The following ATP8B2 variants were observed in gnomAD, a reference collection of about 807,000 sequenced individuals.
ATP8B2 encodes phospholipid-transporting ATPase ID.
In ATP8B2, 70 loss-of-function variants were observed where a neutral mutation model predicts 133.4. That is an observed-to-expected ratio of 0.52 (90% CI 0.43 to 0.64). ATP8B2 has a LOEUF of 0.64. Ranked by LOEUF, ATP8B2 falls within the 30% of genes least tolerant of loss-of-function variation. The pLI is 0.00. For missense variants in ATP8B2, 1,101 were observed against 1,535.7 expected, an observed-to-expected ratio of 0.72 and a Z score of 4.73; for synonymous variants, 517 against 589.5, an observed-to-expected ratio of 0.88 and a Z score of 1.78.
chr1:154,326,596 C>T (rs1685800054), intron 1 of ATP8B2, among the ~76,000 whole-genome samples: 1 of 152,146 alleles, frequency 6.6e-6, no homozygotes, highest in Admixed American at 6.5e-5. Flanking sequence ...AATGATGGCC[C>T]CCCCAGAGGG....
chr1:154,347,794 G>A (rs531880419), intron 26 of ATP8B2, among the ~76,000 whole-genome samples: 140 of 152,146 alleles, frequency 9.2e-4, no homozygotes, highest in African/African-American at 3.3e-3. Flanking sequence ...TACAAAATTA[G>A]CCGGACTTGG....
In ATP8B2 at chr1:154,344,106, G is replaced by A. The variant is rs1016342743; in HGVS notation, c.1924-37G>A. On this transcript the variant is annotated intron_variant, in intron 18 of 27. Coordinates refer to ENST00000368489, the MANE Select transcript of ATP8B2 (RefSeq NM_001370597.1). The surrounding 1 kb of genome is among the most constrained non-coding windows in gnomAD (Gnocchi z 4.1). ...GGATGGGCACGGAGGGCTCATGCCT[G>A]CAATTCTTGTGCCAGGAATCCTTGT... The A allele has an allele frequency of 1.2e-6, 2 of 1,614,106 alleles. No homozygotes were observed. The highest frequency in any genetic ancestry group is 2.7e-5 in the African/African-American group (2 of 74,934).
rs1485201809 is a variant in ATP8B2, at chr1:154,340,881, C to T, written c.1062C>T (p.Ser354=). ...TGGAGGTCATCCGTCTGGGCCACAGCTACTTCATCAACTGGGATAAGAAGA... is the reference window on the plus strand; with the variant it reads ...TGGAGGTCATCCGTCTGGGCCACAGTTACTTCATCAACTGGGATAAGAAGA... ...VSVEVIRLGH[S]YFINWDKKMF... The change falls in exon 13 of 28, where the codon AGC becomes AGT. Residue 354 remains serine (S), a synonymous_variant. Coordinates refer to ENST00000368489, the MANE Select transcript of ATP8B2 (RefSeq NM_001370597.1). This position sits in a 1 kb window ranked among gnomAD's most constrained non-coding sequence, Gnocchi z 4.0. 4.3e-6 allele frequency: 7 copies of T among 1,614,204 alleles called. No individual in the cohort carries two copies. The South Asian group carries it at 5.5e-5, about 13-fold the overall frequency.
rs142408071 is a variant in ATP8B2 at position 154,334,153 on chromosome 1, C to T, written c.636C>T (p.Ser212=). Residue 212 remains serine, a synonymous_variant, in exon 10 of 28, where the codon AGC becomes AGT. Transcript: ENST00000368489. The surrounding 1 kb of genome is among the most constrained non-coding windows in gnomAD (Gnocchi z 4.6). The part of the protein sequence containing the change: ...EPPNNKLDKF[S]GTLYWKENKF... Reference sequence around the variant, plus strand: ...CCAACAACAAACTGGACAAATTCAGCGGAACCCTCTACTGGAAGGAAAATA... The same window carrying T: ...CCAACAACAAACTGGACAAATTCAGTGGAACCCTCTACTGGAAGGAAAATA... 29 of 1,614,186 alleles carry T rather than the reference C, an allele frequency of 1.8e-5. No homozygotes were observed. Among genetic ancestry groups the T allele is most frequent in the South Asian group, 5.5e-5 (5 of 91,090 alleles).
At position 154,334,700 on chromosome 1, in the gene ATP8B2, A is replaced by G. The variant is rs1200231753; in HGVS notation, c.837+109A>G. 2.6e-5 allele frequency: 22 copies of G among 849,466 alleles called. No individual in the cohort carries two copies. Among genetic ancestry groups the G allele is most frequent in the Non-Finnish European group, 3.5e-5 (19 of 540,280 alleles). The allele number at this position is 849,466 out of a possible 1,614,324, so 52.6% of individuals were successfully genotyped here. A position where few individuals can be genotyped will look rare whatever the true frequency, so the allele number is the denominator to read the frequency against. On this transcript the variant is annotated intron_variant, in intron 11 of 27. Coordinates refer to ENST00000368489, the MANE Select transcript of ATP8B2 (RefSeq NM_001370597.1). The surrounding 1 kb of genome is among the most constrained non-coding windows in gnomAD (Gnocchi z 4.6). Reference sequence around the variant, plus strand: ...CAGTAGACTTCAGGTTTGGCTTTAAAGCTGCTAGCAGGTCAGCTACACAAA... The same window carrying G: ...CAGTAGACTTCAGGTTTGGCTTTAAGGCTGCTAGCAGGTCAGCTACACAAA...
In ATP8B2 at chr1:154,348,507, G is replaced by A; in HGVS notation, c.3263G>A (p.Arg1088Lys). The A allele has an allele frequency of 6.2e-7, 1 of 1,614,152 alleles. No homozygotes were observed. The highest frequency in any genetic ancestry group is 1.1e-5 in the South Asian group (1 of 91,090). ...IMPVVAFRFLRLNLKPDLSDT... is the reference protein window; with the variant it reads ...IMPVVAFRFLKLNLKPDLSDT... ...CCCGTGGTTGCCTTCCGATTCCTCA[G>A]GCTCAACCTGAAGCCGGATCTCTCC... The change falls in exon 27 of 28, where the codon AGG (arginine) becomes AAG (lysine). Residue 1088 changes from arginine to lysine, a missense_variant. Coordinates refer to ENST00000368489, the MANE Select transcript of ATP8B2 (RefSeq NM_001370597.1).
intron 14 of ATP8B2, 108 bp from the exon 15 acceptor site, chr1:154,342,688 C>G: frequency 2.0e-6 from 3 of 1,476,112 alleles, no homozygotes; most frequent in Non-Finnish European, 2.8e-6. Context: ...ATTTTGAGGT[C>G]CACCGTGGAC....
Position 154,348,470 on chromosome 1 carries a change from G to C in ATP8B2, c.3226G>C (p.Val1076Leu). 6.2e-7 allele frequency: 1 copy of C among 1,614,086 alleles called. No homozygotes were observed. Among genetic ancestry groups the C allele is most frequent in the Middle Eastern group, 1.6e-4 (1 of 6,062 alleles). Residue 1076 changes from valine to leucine, a missense_variant, in exon 27 of 28, where the codon GTC (valine) becomes CTC (leucine). Val to Leu is a conservative substitution (Grantham distance 32, BLOSUM62 1). Transcript: ENST00000368489. ...GCTGACCATTGTGCTCACCACAGTC[G>C]TCTGCATCATGCCCGTGGTTGCCTT... ...VWLTIVLTTVVCIMPVVAFRF... is the reference protein window; with the variant it reads ...VWLTIVLTTVLCIMPVVAFRF...
Position 154,343,757 on chromosome 1 carries a change from A to T in ATP8B2, c.1759-136A>T. ...CCAGCTCCCATAGTTACCTCTTTTT[A>T]TGTATGTGGTGACAGTCCCTAACTG... On this transcript the variant is annotated intron_variant, in intron 17 of 27. Coordinates refer to ENST00000368489, the MANE Select transcript of ATP8B2 (RefSeq NM_001370597.1). This position sits in a 1 kb window ranked among gnomAD's most constrained non-coding sequence, Gnocchi z 5.8. 8.7e-7 allele frequency: 1 copy of T among 1,143,140 alleles called. No individual in the cohort carries two copies. The highest frequency in any genetic ancestry group is 1.2e-6 in the Non-Finnish European group (1 of 813,000). The allele number at this position is 1,143,140 out of a possible 1,614,324, so 70.8% of individuals were successfully genotyped here.
Position 154,344,425 on chromosome 1 carries a change from A to G in ATP8B2, c.2066A>G (p.Lys689Arg), listed in dbSNP as rs1422484660. 1.8e-5 allele frequency: 29 copies of G among 1,614,038 alleles called. No individual in the cohort carries two copies. Among genetic ancestry groups the G allele is most frequent in the Non-Finnish European group, 2.5e-5 (29 of 1,180,030 alleles). Reference protein sequence around the residue: ...ETAVNIGYSCKMLTDDMTEVF... With the variant: ...ETAVNIGYSCRMLTDDMTEVF... ...GCTGTGAACATCGGCTATTCCTGCA[A>G]GATGCTGACGGATGACATGACTGAG... Residue 689 changes from lysine (K) to arginine (R), a missense_variant, in exon 20 of 28, where the codon AAG becomes AGG. By Grantham distance (26) the Lys-to-Arg change is conservative. Transcript: ENST00000368489. This position sits in a 1 kb window ranked among gnomAD's most constrained non-coding sequence, Gnocchi z 4.1.
intron 26 of ATP8B2, among the ~76,000 whole-genome samples, chr1:154,347,778 T>C (rs1166590205): frequency 6.6e-6 from 1 of 151,918 alleles, no homozygotes; most frequent in African/African-American, 2.4e-5. Context: ...CCATCTCTAC[T>C]AAAAATACAA....
intron 12 of ATP8B2, among the ~76,000 whole-genome samples, chr1:154,339,278 C>G (rs567001445): frequency 2.0e-5 from 3 of 152,222 alleles, no homozygotes; most frequent in Non-Finnish European, 4.4e-5. Flanking sequence ...GTCCTGCCTC[C>G]TCACTGGCCA....
chr1:154,342,566 G>T, intron 14 of ATP8B2, 43 bp downstream of exon 14: 1 of 1,588,522 alleles, frequency 6.3e-7, no homozygotes, highest in Non-Finnish European at 8.6e-7. Context: ...GTGAAACAGG[G>T]TGCCTGGCCA....
At position 154,351,158 on chromosome 1, in the gene ATP8B2, T is replaced by G. The variant is rs986646338; in HGVS notation, c.*2040T>G. 2 of 150,720 alleles carry G rather than the reference T, an allele frequency of 1.3e-5. No individual in the cohort carries two copies. The highest frequency in any genetic ancestry group is 2.1e-4 in the South Asian group (1 of 4,816). The allele number at this position is 150,720 out of a possible 1,614,324, so 9.3% of individuals were successfully genotyped here. A position where few individuals can be genotyped will look rare whatever the true frequency, so the allele number is the denominator to read the frequency against. On this transcript the variant is annotated 3_prime_UTR_variant, in exon 28 of 28. Transcript: ENST00000368489. Reference sequence around the variant, plus strand: ...TATATTATTTTTTGGTTCTCTCTCGTTTTTTAGGGAGGGAAGAAAGTACCA... The same window carrying G: ...TATATTATTTTTTGGTTCTCTCTCGGTTTTTAGGGAGGGAAGAAAGTACCA...
rs929592848 is a variant in ATP8B2, at chr1:154,328,884, C to G, written c.31+712C>G. 1 of 1,259,440 alleles carries G rather than the reference C, an allele frequency of 7.9e-7. No homozygotes were observed. Among genetic ancestry groups the G allele is most frequent in the African/African-American group, 1.6e-5 (1 of 62,226 alleles). The allele number at this position is 1,259,440 out of a possible 1,614,324, so 78.0% of individuals were successfully genotyped here. On this transcript the variant is annotated intron_variant, in intron 2 of 27. Coordinates refer to ENST00000368489, the MANE Select transcript of ATP8B2 (RefSeq NM_001370597.1). This position sits in a 1 kb window ranked among gnomAD's most constrained non-coding sequence, Gnocchi z 4.6. ...CGCGCCCGACGGCTGGGGCTCCCCT[C>G]TGAGCGGCTGCGGCTCCTGCACCTC...
intron 12 of ATP8B2, 129 bp downstream of exon 12, chr1:154,337,673 G>C: frequency 6.3e-7 from 1 of 1,596,450 alleles, no homozygotes; most frequent in East Asian, 2.2e-5. Flanking sequence ...GTAAACATTT[G>C]ATGTTATCTG....
intron 3 of ATP8B2, 22 bp downstream of exon 3, chr1:154,330,476 G>C: frequency 1.2e-6 from 2 of 1,612,114 alleles, no homozygotes; most frequent in South Asian, 1.1e-5. Flanking sequence ...TAGACCACCT[G>C]TTCCCTCTCT....
rs149316813 is a variant in ATP8B2, at chr1:154,330,285, G to A, written c.32-111G>A. 4.2e-4 allele frequency: 375 copies of A among 895,954 alleles called. 2 individuals carry two copies. The African/African-American group carries it at 5.5e-3, about 13-fold the overall frequency. 55.5% of individuals were successfully genotyped at this position (895,954 alleles called of 1,614,324 possible). A position where few individuals can be genotyped will look rare whatever the true frequency, so the allele number is the denominator to read the frequency against. On this transcript the variant is annotated intron_variant, in intron 2 of 27. Coordinates refer to ENST00000368489, the MANE Select transcript of ATP8B2 (RefSeq NM_001370597.1). ...GAATTTGATGACCCCCTCAGTTGTG[G>A]AGCTAACTCCTTAAAATGATATTCT...
intron 1 of ATP8B2, among the ~76,000 whole-genome samples, 153 bp downstream of exon 1, chr1:154,325,855 G>A (rs1685769547): frequency 6.6e-6 from 1 of 152,184 alleles, no homozygotes; most frequent in East Asian, 1.9e-4. Flanking sequence ...GCGGCCAGAC[G>A]GGGCGGGGAT....
Sources: allele counts gnomAD v4.1 joint callset (sites outside exome capture counted in the v4.1 genomes callset), GRCh38; gene constraint gnomAD v4.1.1; non-coding constraint Gnocchi (gnomAD v3.1); transcripts MANE v1.5; gene names NCBI Gene and HGNC (gene_info 2026-07-23, HGNC 2026-07-21).